The following RBFOX1 variants were observed in gnomAD, a reference collection of about 807,000 sequenced individuals.
RBFOX1 encodes RNA binding fox-1 homolog 1.
In RBFOX1, 8 loss-of-function variants were observed where a neutral mutation model predicts 57.7. The ratio of observed to expected loss-of-function variants is 0.14; its 90% confidence interval spans 0.08 to 0.25. The LOEUF (loss-of-function observed/expected upper bound fraction) is 0.25. Among genes scored for constraint, RBFOX1 ranks in the 10% least tolerant of loss-of-function variants. RBFOX1 has a pLI of 1.00. For missense variants in RBFOX1, 611 were observed against 548.5 expected (o/e 1.11, Z -1.14); for synonymous variants, 326 against 222.4 (o/e 1.47, Z -4.15).
At chr16:5,305,973 C>T (rs1250935765) in intron 1 of RBFOX1, among the ~76,000 whole-genome samples, 1 of 152,124 alleles carries the variant, frequency 6.6e-6, no homozygotes, top group Non-Finnish European at 1.5e-5. Flanking sequence ...AGCAGGATTG[C>T]TTGAGTCCAG....
At chr16:7,088,138 G>A (rs76584984) in intron 4 of RBFOX1, among the ~76,000 whole-genome samples, 1,865 of 152,278 alleles carry the variant, frequency 0.012, 46 homozygotes, top group African/African-American at 0.042. Context: ...ATGTGTATGT[G>A]TATGGGGTTT....
At chr16:6,003,660 C>G (rs1001467724) in intron 4 of RBFOX1, among the ~76,000 whole-genome samples, 2 of 152,258 alleles carry the variant, frequency 1.3e-5, no homozygotes, top group African/African-American at 4.8e-5. Context: ...ATCCTGCCAA[C>G]TGCAAAGCTA....
chr16:7,586,975 G>A (rs973818406), intron 6 of RBFOX1, among the ~76,000 whole-genome samples: 5 of 152,162 alleles, frequency 3.3e-5, no homozygotes, highest in African/African-American at 1.2e-4. Flanking sequence ...CAGTGCCTGG[G>A]AAAGCAGACA....
At chr16:7,289,250 G>A (rs1027828435) in intron 4 of RBFOX1, among the ~76,000 whole-genome samples, 6 of 152,168 alleles carry the variant, frequency 3.9e-5, no homozygotes, top group African/African-American at 1.4e-4. Flanking sequence ...GTAGCAATGG[G>A]CTCTCCTTAG....
chr16:7,425,871 A>G (rs6500965), intron 4 of RBFOX1, among the ~76,000 whole-genome samples: 15,160 of 152,230 alleles, frequency 0.1, 1,927 homozygotes, highest in African/African-American at 0.3. Flanking sequence ...TGAGCATTAT[A>G]CAAACAGTGA....
At chr16:7,595,411 T>C in intron 7 of RBFOX1, 138 bp from the exon 8 acceptor site, 1 of 580,114 alleles carries the variant, frequency 1.7e-6, no homozygotes, top group Non-Finnish European at 2.9e-6. Flanking sequence ...TCAGTACTCT[T>C]ATAATTTCTC....
chr16:6,685,279 T>C (rs904606945), intron 3 of RBFOX1, among the ~76,000 whole-genome samples: 16 of 103,566 alleles, frequency 1.5e-4, no homozygotes, highest in East Asian at 7.7e-4. Flanking sequence ...TTTTCTTTTT[T>C]TTTTTTTTTT....
intron 3 of RBFOX1, among the ~76,000 whole-genome samples, chr16:5,750,684 T>C (rs2053164983): frequency 6.6e-6 from 1 of 152,202 alleles, no homozygotes; most frequent in Non-Finnish European, 1.5e-5. Context: ...GGATGTAACC[T>C]CCTGGTGTGC....
At chr16:7,182,684 A>G (rs1042388433) in intron 4 of RBFOX1, among the ~76,000 whole-genome samples, 1 of 151,372 alleles carries the variant, frequency 6.6e-6, no homozygotes, top group Admixed American at 6.6e-5. Context: ...AAGTACGATG[A>G]AGCAAAGACC....
intron 4 of RBFOX1, among the ~76,000 whole-genome samples, chr16:5,950,749 GC>G (rs767627991): frequency 2.0e-5 from 3 of 152,194 alleles, no homozygotes; most frequent in Non-Finnish European, 4.4e-5. Context: ...AGGGCTGGGA[GC>G]CAGGAGTAAG....
At chr16:6,811,020 A>G (rs965288980) in intron 3 of RBFOX1, among the ~76,000 whole-genome samples, 4 of 152,228 alleles carry the variant, frequency 2.6e-5, no homozygotes, top group Admixed American at 6.5e-5. Flanking sequence ...TAGTTACAGA[A>G]CACACACAGA....
rs1204356423 is a variant in RBFOX1, at chr16:5,639,194, A to C, written c.318+40233A>C. 7.9e-5 allele frequency among the ~76,000 whole-genome samples: 12 copies of C among 152,120 alleles called. 1 individual carries two copies. Among genetic ancestry groups the C allele is most frequent in the Admixed American group, 4.6e-4 (7 of 15,278 alleles). On this transcript the variant is annotated intron_variant, in intron 3 of 19. Coordinates refer to the RBFOX1 transcript ENST00000641259. ...CTTGCTTTTGGCTTCCTCTTGCGTG[A>C]TACGTTCTAGAATTGTGTGCACACA...
At chr16:6,815,839 T>C (rs1482200630) in intron 3 of RBFOX1, among the ~76,000 whole-genome samples, 3 of 152,188 alleles carry the variant, frequency 2.0e-5, no homozygotes, top group African/African-American at 7.2e-5. Context: ...AGCTTAATTC[T>C]CACAACATTT....
intron 2 of RBFOX1, among the ~76,000 whole-genome samples, chr16:6,590,890 C>G (rs1018373523): frequency 1.3e-5 from 2 of 152,084 alleles, no homozygotes; most frequent in Non-Finnish European, 2.9e-5. Flanking sequence ...GTGGCAAAAG[C>G]AGACCATGCA....
chr16:7,483,622 G>A (rs35321349), intron 4 of RBFOX1, among the ~76,000 whole-genome samples: 53,777 of 151,990 alleles, frequency 0.35, 11,586 homozygotes, highest in Non-Finnish European at 0.49. Context: ...TCTTATTGGG[G>A]TGGCTGATAA....
chr16:5,555,656 C>G (rs1355342166), intron 2 of RBFOX1, among the ~76,000 whole-genome samples: 3 of 152,070 alleles, frequency 2.0e-5, no homozygotes, highest in Non-Finnish European at 2.9e-5. Context: ...CTATGTGTAG[C>G]TCTGTTGAAG....
At chr16:6,995,003 A>G (rs1179091228) in intron 3 of RBFOX1, among the ~76,000 whole-genome samples, 1 of 147,412 alleles carries the variant, frequency 6.8e-6, no homozygotes, top group Non-Finnish European at 1.5e-5. Flanking sequence ...ATGTGTTTGC[A>G]TACGTGTGTA....
At position 6,174,561 on chromosome 16, in the gene RBFOX1, C is replaced by T. The variant is rs368651748; in HGVS notation, c.-126-142434C>T. On this transcript the variant is annotated intron_variant, in intron 1 of 15. Transcript: ENST00000550418. Reference sequence around the variant, plus strand: ...AGTGAGCTGTGATCATGCCACTGCACTCCAGCCTGGGTGACAGAGTGAGAG... The same window carrying T: ...AGTGAGCTGTGATCATGCCACTGCATTCCAGCCTGGGTGACAGAGTGAGAG... Among the ~76,000 whole-genome samples, 15 of 152,184 alleles carry T rather than the reference C, an allele frequency of 9.9e-5. No individual in the cohort carries two copies. In the East Asian group the frequency reaches 2.1e-3, roughly 22 times the overall value.
At position 6,654,620 on chromosome 16, in the gene RBFOX1, C is replaced by T. The variant is rs773514590; in HGVS notation, c.-46C>T. The T allele has an allele frequency of 3.3e-6, 5 of 1,510,056 alleles. No homozygotes were observed. Among genetic ancestry groups the T allele is most frequent in the Admixed American group, 2.3e-5 (1 of 44,016 alleles). 93.5% of individuals were successfully genotyped at this position (1,510,056 alleles called of 1,614,324 possible). A position where few individuals can be genotyped will look rare whatever the true frequency, so the allele number is the denominator to read the frequency against. On this transcript the variant is annotated 5_prime_UTR_variant, in exon 3 of 16. Transcript: ENST00000550418. Reference sequence around the variant, plus strand: ...CTTCTCAGGATATCAAAGCAGACTGCAATACCTGCGTGGAAATAGAAGACA... The same window carrying T: ...CTTCTCAGGATATCAAAGCAGACTGTAATACCTGCGTGGAAATAGAAGACA...
Sources: gnomAD v4.1 joint callset for allele counts (sites outside exome capture counted in the v4.1 genomes callset) on GRCh38, gnomAD v4.1.1 for gene constraint, MANE v1.5 for transcripts, NCBI Gene and HGNC (gene_info 2026-07-23, HGNC 2026-07-21) for gene names.